The following MZT1 variants were observed in gnomAD, a reference collection of about 807,000 sequenced individuals.
MZT1 encodes mitotic-spindle organizing protein 1.
MZT1 carries 8 observed loss-of-function variants against 8.5 expected under a neutral mutation model. The observed-to-expected ratio is 0.94, with a 90% CI of 0.55 to 1.70. The LOEUF is 1.70. MZT1 is among the 40% of genes most tolerant of loss of function. MZT1 has a pLI of 0.00. For missense variants in MZT1, 93 were observed against 108.6 expected, an observed-to-expected ratio of 0.86 and a Z score of 0.64; for synonymous variants, 38 against 42.0, an observed-to-expected ratio of 0.90 and a Z score of 0.37.
chr13:72,722,306 T>C (rs2032599527), intron 1 of MZT1, among the ~76,000 whole-genome samples: 1 of 152,168 alleles, frequency 6.6e-6, no homozygotes, highest in African/African-American at 2.4e-5. Flanking sequence ...AAAGGATTAG[T>C]GTGAGAATTA....
chr13:72,724,739 T>TATATATATATATATACACAC (rs1555270942), intron 1 of MZT1, among the ~76,000 whole-genome samples: 1 of 41,380 alleles, frequency 2.4e-5, no homozygotes. Flanking sequence ...TATATATATA[T>TATATATATATATATACACAC]ACACATATAT....
Position 72,719,070 on chromosome 13 carries a change from T to C in MZT1, c.107A>G (p.Asn36Ser). 6.5e-7 allele frequency: 1 copy of C among 1,538,044 alleles called. No individual in the cohort carries two copies. Among genetic ancestry groups the C allele is most frequent in the Non-Finnish European group, 8.7e-7 (1 of 1,153,566 alleles). Residue 36 changes from asparagine (N) to serine (S), a missense_variant, in exon 2 of 3, where the codon AAT (asparagine) becomes AGT (serine). Asn to Ser is a conservative substitution (Grantham distance 46). Coordinates refer to ENST00000377818, the MANE Select transcript of MZT1 (RefSeq NM_001071775.3). ...DVLLEISRILNTGLDMETLSI... is the reference protein window; with the variant it reads ...DVLLEISRILSTGLDMETLSI... Reference sequence around the variant, plus strand: ...CAGAGTTTCCATATCTAAGCCAGTATTCAAAATTCTTGAAATCTCAAGCAG... The same window carrying C: ...CAGAGTTTCCATATCTAAGCCAGTACTCAAAATTCTTGAAATCTCAAGCAG...
chr13:72,713,087 C>G (rs1313582257), intron 2 of MZT1, among the ~76,000 whole-genome samples: 1 of 152,164 alleles, frequency 6.6e-6, no homozygotes, highest in Non-Finnish European at 1.5e-5. Context: ...CTCAGGAATT[C>G]TTGAGATTTT....
At chr13:72,713,145 G>C (rs762188599) in intron 2 of MZT1, among the ~76,000 whole-genome samples, 9 of 152,156 alleles carry the variant, frequency 5.9e-5, no homozygotes, top group Non-Finnish European at 1.2e-4. Context: ...TGAAGTCAGA[G>C]AGCCCAAGTT....
intron 1 of MZT1, among the ~76,000 whole-genome samples, chr13:72,726,583 A>G (rs1347403945): frequency 6.6e-6 from 1 of 152,170 alleles, no homozygotes; most frequent in African/African-American, 2.4e-5. Flanking sequence ...TCAAACACTC[A>G]TAATACAGGT....
chr13:72,719,064 C>T lies in MZT1; in HGVS notation c.113G>A (p.Gly38Asp). The change falls in exon 2 of 3, where the codon GGC becomes GAC. Residue 38 changes from glycine to aspartate, a missense_variant. By Grantham distance (94) the Gly-to-Asp change is moderately conservative. Transcript: ENST00000377818. ...AATAGACAGAGTTTCCATATCTAAG[C>T]CAGTATTCAAAATTCTTGAAATCTC... ...LLEISRILNT[G>D]LDMETLSICV... 1 of 1,556,252 alleles carries T rather than the reference C, an allele frequency of 6.4e-7. No homozygotes were observed. Among genetic ancestry groups the T allele is most frequent in the South Asian group, 1.2e-5 (1 of 80,410 alleles).
intron 1 of MZT1, among the ~76,000 whole-genome samples, chr13:72,724,730 A>ATG (rs2032625434): frequency 3.1e-5 from 1 of 31,870 alleles, no homozygotes. Flanking sequence ...ATATATATAT[A>ATG]TATATATATA....
intron 2 of MZT1, among the ~76,000 whole-genome samples, chr13:72,714,657 C>T (rs2032517898): frequency 6.6e-6 from 1 of 152,212 alleles, no homozygotes; most frequent in South Asian, 2.1e-4. Context: ...TCTTGCATCC[C>T]AGCCACTCTG....
chr13:72,711,150 T>C (rs763064991), intron 2 of MZT1, among the ~76,000 whole-genome samples: 22 of 152,096 alleles, frequency 1.4e-4, no homozygotes, highest in Non-Finnish European at 2.5e-4. Context: ...GACACTGGGG[T>C]ACTAAAATAG....
At chr13:72,720,677 T>G (rs1044038356) in intron 1 of MZT1, among the ~76,000 whole-genome samples, 3 of 152,112 alleles carry the variant, frequency 2.0e-5, no homozygotes, top group African/African-American at 7.2e-5. Flanking sequence ...TCACCTGAGG[T>G]CGGGAGTTCG....
chr13:72,724,548 T>C (rs1448674391), intron 1 of MZT1, among the ~76,000 whole-genome samples: 2 of 146,156 alleles, frequency 1.4e-5, no homozygotes, highest in East Asian at 4.1e-4. Context: ...TGTTTTTTTT[T>C]TTTTTTTTGA....
chr13:72,716,058 C>G (rs372441653), intron 2 of MZT1, among the ~76,000 whole-genome samples: 2 of 152,008 alleles, frequency 1.3e-5, no homozygotes, highest in Non-Finnish European at 2.9e-5. Flanking sequence ...GCTGGGATTA[C>G]AGTGCCTGCC....
chr13:72,726,405 T>C (rs1395524353), intron 1 of MZT1, among the ~76,000 whole-genome samples: 4 of 151,976 alleles, frequency 2.6e-5, no homozygotes, highest in African/African-American at 9.7e-5. Flanking sequence ...CACTCCACCC[T>C]GGGCAACTAC....
Position 72,717,344 on chromosome 13 carries a change from T to C in MZT1, c.225+1608A>G, listed in dbSNP as rs9543096. Among the ~76,000 whole-genome samples, 24 of 81,560 alleles carry C rather than the reference T, an allele frequency of 2.9e-4. 1 individual carries two copies. Among genetic ancestry groups the C allele is most frequent in the East Asian group, 4.6e-4 (1 of 2,188 alleles). 53.5% of individuals were successfully genotyped at this position (81,560 alleles called of 152,430 possible). On this transcript the variant is annotated intron_variant, in intron 2 of 2. Transcript: ENST00000377818. ...GCCACAATCTGTCACTTTCTTTTTT[T>C]TTTTTTTTTTTTTAGATGGAGTTTC...
At chr13:72,712,087 G>A (rs1244522437) in intron 2 of MZT1, among the ~76,000 whole-genome samples, 2 of 152,020 alleles carry the variant, frequency 1.3e-5, no homozygotes, top group Non-Finnish European at 2.9e-5. Flanking sequence ...GTATAAGGAT[G>A]CATTACTTTC....
chr13:72,718,719 T>G (rs2032562607), intron 2 of MZT1, among the ~76,000 whole-genome samples: 1 of 151,986 alleles, frequency 6.6e-6, no homozygotes, highest in Non-Finnish European at 1.5e-5. Flanking sequence ...GACCTCATGA[T>G]CCGCCCAACT....
intron 2 of MZT1, among the ~76,000 whole-genome samples, chr13:72,713,265 T>A (rs1176223508): frequency 6.6e-6 from 1 of 152,190 alleles, no homozygotes; most frequent in Non-Finnish European, 1.5e-5. Context: ...AGGATAAGTA[T>A]CCCTTGTCGG....
In MZT1 at chr13:72,724,020, G is replaced by A. The variant is rs894653697; in HGVS notation, c.79+3504C>T. Among the ~76,000 whole-genome samples the A allele has an allele frequency of 2.6e-5, 4 of 152,056 alleles. No homozygotes were observed. In the East Asian group the frequency reaches 7.7e-4, roughly 29 times the overall value. The stretch of plus-strand genomic sequence containing the variant: ...TACAGAGGCAGGAGGAAGGGTGATG[G>A]TTGAGAGCAAAGAAAACAGCTTGTG... On this transcript the variant is annotated intron_variant, in intron 1 of 2. Coordinates refer to ENST00000377818, the MANE Select transcript of MZT1 (RefSeq NM_001071775.3).
At chr13:72,722,237 C>T (rs1288394454) in intron 1 of MZT1, among the ~76,000 whole-genome samples, 1 of 152,178 alleles carries the variant, frequency 6.6e-6, no homozygotes, top group Non-Finnish European at 1.5e-5. Context: ...AGGCAAGTTA[C>T]TCTCTCTGTG....
Sources: gnomAD v4.1 joint callset for allele counts (sites outside exome capture counted in the v4.1 genomes callset) on GRCh38, gnomAD v4.1.1 for gene constraint, MANE v1.5 for transcripts, NCBI Gene and HGNC (gene_info 2026-07-23, HGNC 2026-07-21) for gene names.